Variants in BOD1 observed in about 807,000 individuals in gnomAD.
The protein encoded by BOD1 is biorientation of chromosomes in cell division 1.
In BOD1, 11 loss-of-function variants were observed where a neutral mutation model predicts 15.7. The observed-to-expected ratio is 0.70, with a 90% CI of 0.44 to 1.16. The LOEUF (loss-of-function observed/expected upper bound fraction) is 1.16, where lower values mean the gene tolerates loss of function less well. Among genes scored for constraint, BOD1 ranks in the 50% most tolerant of loss-of-function variants. The pLI is 0.00. For missense variants in BOD1, 182 were observed against 244.5 expected (o/e 0.74, Z 1.70); for synonymous variants, 105 against 103.5 (o/e 1.01, Z -0.09).
chr5:173,608,121 C>T lies in BOD1; in HGVS notation c.*173G>A, dbSNP rs1346505187. On this transcript the variant is annotated 3_prime_UTR_variant, in exon 4 of 4. Coordinates refer to ENST00000311086, the MANE Select transcript of BOD1 (RefSeq NM_138369.3). ...ACAATGCAGGGGGTGACACGGTCAA[C>T]TCTCCCACTGCCGAACTTGCTCCCC... 2 of 559,632 alleles carry T rather than the reference C, an allele frequency of 3.6e-6. No homozygotes were observed. The highest frequency in any genetic ancestry group is 2.6e-5 in the East Asian group (1 of 39,156). 34.7% of individuals were successfully genotyped at this position (559,632 alleles called of 1,614,324 possible).
chr5:173,612,080 A>G (rs1341432302), intron 2 of BOD1, among the ~76,000 whole-genome samples: 1 of 152,266 alleles, frequency 6.6e-6, no homozygotes, highest in Non-Finnish European at 1.5e-5. Flanking sequence ...AGAAAGGGAA[A>G]GGCACTCGGT....
rs1475724807 is a variant in BOD1 at position 173,613,999 on chromosome 5, C to T, written c.238-744G>A. 2.0e-5 allele frequency among the ~76,000 whole-genome samples: 3 copies of T among 152,348 alleles called. No homozygotes were observed. The East Asian group carries it at 5.8e-4, about 29-fold the overall frequency. On this transcript the variant is annotated intron_variant, in intron 1 of 3. Transcript: ENST00000311086. ...CTGGGATTTCCCAGATTGGAGCTGA[C>T]AGCCTCTCTCTAGAGGAAGAAGCTG...
intron 3 of BOD1, among the ~76,000 whole-genome samples, chr5:173,608,835 G>C (rs1334998767): frequency 6.6e-6 from 1 of 152,210 alleles, no homozygotes; most frequent in African/African-American, 2.4e-5. Context: ...AGCAGACTCT[G>C]AATCCCATTT....
At chr5:173,613,592 T>C (rs1755413430) in intron 1 of BOD1, among the ~76,000 whole-genome samples, 1 of 152,228 alleles carries the variant, frequency 6.6e-6, no homozygotes, top group Non-Finnish European at 1.5e-5. Flanking sequence ...CTAGCTCAGC[T>C]GAACTTTGGT....
At position 173,609,281 on chromosome 5, in the gene BOD1, G is replaced by A. The variant is rs769176350; in HGVS notation, c.516C>T (p.Pro172=). ...KAAVPAPPPE[P]EGQDPPAPSQ... ...ATGGAGCTGGAGGGTCCTGGCCTTC[G>A]GGCTCTGGAGGGGGTGCTGGCACAG... is the stretch of plus-strand genomic sequence containing the variant. Residue 172 remains proline (P), a synonymous_variant, in exon 3 of 4, where the codon CCC becomes CCT. Transcript: ENST00000311086. The A allele has an allele frequency of 1.6e-5, 26 of 1,614,038 alleles. No homozygotes were observed. The highest frequency in any genetic ancestry group is 1.1e-4 in the South Asian group (10 of 91,082).
intron 2 of BOD1, among the ~76,000 whole-genome samples, chr5:173,611,217 G>A (rs151237605): frequency 4.7e-4 from 71 of 152,298 alleles, no homozygotes; most frequent in Admixed American, 2.3e-3. Context: ...AACAAATATT[G>A]TACAGTTACA....
chr5:173,616,416 G>C lies in BOD1; in HGVS notation c.21C>G (p.Gly7=). 6.6e-7 allele frequency: 1 copy of C among 1,524,034 alleles called. No homozygotes were observed. The highest frequency in any genetic ancestry group is 8.7e-7 in the Non-Finnish European group (1 of 1,146,328). The allele number at this position is 1,524,034 out of a possible 1,614,324, so 94.4% of individuals were successfully genotyped here. The change falls in exon 1 of 4, where the codon GGC becomes GGG. Residue 7 remains glycine (G), a synonymous_variant. Transcript: ENST00000311086. The part of the protein sequence containing the change: MADGGG[G]GGTGAVGGGG... ...CGCCGCCCACCGCGCCAGTTCCCCC[G>C]CCGCCGCCGCCGTCCGCCATGGCTG...
rs1295688225 is a variant in BOD1, at chr5:173,616,338, G to A, written c.99C>T (p.Ser33=). The A allele has an allele frequency of 2.0e-5, 31 of 1,529,438 alleles. No homozygotes were observed. The highest frequency in any genetic ancestry group is 2.7e-5 in the Non-Finnish European group (31 of 1,143,672). The allele number at this position is 1,529,438 out of a possible 1,614,324, so 94.7% of individuals were successfully genotyped here. Residue 33 remains serine (S), a synonymous_variant, in exon 1 of 4, where the codon AGC becomes AGT. Transcript: ENST00000311086. ...AGAATGATGA[S]GGGGPINPAS... Reference sequence around the variant, plus strand: ...CCGGGTTGATGGGGCCACCGCCCCCGCTGGCCCCAGTAGCGCCAGTCGCTG... The same window carrying A: ...CCGGGTTGATGGGGCCACCGCCCCCACTGGCCCCAGTAGCGCCAGTCGCTG...
In BOD1 at chr5:173,609,256, A is replaced by G. The variant is rs565588980; in HGVS notation, c.541T>C (p.Ser181Pro). 83 of 1,613,988 alleles carry G rather than the reference A, an allele frequency of 5.1e-5. No individual in the cohort carries two copies. The South Asian group carries it at 9.0e-4, about 18-fold the overall frequency. Reference protein sequence around the residue: ...EPEGQDPPAPSQDTS With the variant: ...EPEGQDPPAPPQDTS ...ACTGGACCTTAGGAAGTGTCCTGAGATGGAGCTGGAGGGTCCTGGCCTTCG... is the reference window on the plus strand; with the variant it reads ...ACTGGACCTTAGGAAGTGTCCTGAGGTGGAGCTGGAGGGTCCTGGCCTTCG... The change falls in exon 3 of 4, where the codon TCT (serine) becomes CCT (proline). Residue 181 changes from serine to proline, a missense_variant. Physicochemically the swap from Ser to Pro is moderately conservative, Grantham distance 74 (BLOSUM62 -1). Around this residue, in one of 3 missense-constraint regions of BOD1, gnomAD observed 40 missense variants for 45.3 expected, o/e 0.88. Coordinates refer to ENST00000311086, the MANE Select transcript of BOD1 (RefSeq NM_138369.3).
chr5:173,611,939 C>G (rs369280969), intron 2 of BOD1, among the ~76,000 whole-genome samples: 1 of 152,220 alleles, frequency 6.6e-6, no homozygotes, highest in South Asian at 2.1e-4. Flanking sequence ...AGCTGTGAAA[C>G]AGGCTTTTCA....
chr5:173,616,302 A>G lies in BOD1; in HGVS notation c.135T>C (p.Pro45=). 1 of 1,541,706 alleles carries G rather than the reference A, an allele frequency of 6.5e-7. No individual in the cohort carries two copies. The highest frequency in any genetic ancestry group is 8.7e-7 in the Non-Finnish European group (1 of 1,147,246). The part of the protein sequence containing the change: ...GGGPINPASL[P]PGDPQLIALI... The stretch of plus-strand genomic sequence containing the variant: ...GAGCGATGAGCTGCGGGTCGCCGGG[A>G]GGCAGCGAGGCCGGGTTGATGGGGC... The change falls in exon 1 of 4, where the codon CCT becomes CCC. Residue 45 remains proline, a synonymous_variant. Coordinates refer to ENST00000311086, the MANE Select transcript of BOD1 (RefSeq NM_138369.3).
At chr5:173,609,009 T>C (rs935005934) in intron 3 of BOD1, among the ~76,000 whole-genome samples, 1 of 152,248 alleles carries the variant, frequency 6.6e-6, no homozygotes, top group African/African-American at 2.4e-5. Context: ...ATGAAGCATC[T>C]ATCCATAGCT....
At chr5:173,609,018 C>T (rs893706806) in intron 3 of BOD1, among the ~76,000 whole-genome samples, 2 of 152,218 alleles carry the variant, frequency 1.3e-5, no homozygotes, top group Admixed American at 1.3e-4. Flanking sequence ...CTATCCATAG[C>T]TTACATGTTT....
intron 3 of BOD1, 50 bp from the exon 4 acceptor site, chr5:173,608,342 T>G (rs772259546): frequency 2.9e-6 from 4 of 1,389,756 alleles, no homozygotes; most frequent in East Asian, 4.6e-5. Flanking sequence ...GATAACAGAC[T>G]ATATTCACTT....
At chr5:173,613,352 A>G in intron 1 of BOD1, 97 bp from the exon 2 acceptor site, 1 of 1,400,650 alleles carries the variant, frequency 7.1e-7, no homozygotes, top group South Asian at 1.2e-5. Flanking sequence ...AAACGTTATT[A>G]AGTCTAAATA....
At position 173,616,506 on chromosome 5, in the gene BOD1, T is replaced by A. The variant is rs958268119; in HGVS notation, c.-70A>T. 13 of 1,513,358 alleles carry A rather than the reference T, an allele frequency of 8.6e-6. No homozygotes were observed. The highest frequency in any genetic ancestry group is 1.1e-5 in the Non-Finnish European group (13 of 1,141,176). 93.7% of individuals were successfully genotyped at this position (1,513,358 alleles called of 1,614,324 possible). ...TCCAGGACAGAAGGCCTAGAACGTG[T>A]AGAGGTGGTGAAGGGGGCGGTGAAG... On this transcript the variant is annotated 5_prime_UTR_variant, in exon 1 of 4. Coordinates refer to ENST00000311086, the MANE Select transcript of BOD1 (RefSeq NM_138369.3).
At chr5:173,610,895 C>A (rs1456857812) in intron 2 of BOD1, among the ~76,000 whole-genome samples, 1 of 152,190 alleles carries the variant, frequency 6.6e-6, no homozygotes, top group Non-Finnish European at 1.5e-5. Flanking sequence ...AGGAAGTTAG[C>A]GAGCTCTCTT....
rs973394743 is a variant in BOD1 at position 173,608,265 on chromosome 5, T to A, written c.*29A>T. The A allele has an allele frequency of 2.9e-5, 46 of 1,612,320 alleles. No homozygotes were observed. The highest frequency in any genetic ancestry group is 3.8e-5 in the Non-Finnish European group (45 of 1,178,350). On this transcript the variant is annotated 3_prime_UTR_variant, in exon 4 of 4. Transcript: ENST00000311086. The stretch of plus-strand genomic sequence containing the variant: ...ACCGAATCCATTTCTTCACCAAAAA[T>A]TAGCTTTCAAAAGGTGTCTGGCGTA...
chr5:173,609,510 C>A, intron 2 of BOD1, 76 bp from the exon 3 acceptor site: 3 of 1,404,534 alleles, frequency 2.1e-6, no homozygotes, highest in Non-Finnish European at 2.9e-6. Context: ...GTGTCACGTG[C>A]GAGCCCAATA....
Sources: allele counts gnomAD v4.1 joint callset (sites outside exome capture counted in the v4.1 genomes callset), GRCh38; gene constraint gnomAD v4.1.1; regional missense constraint gnomAD v4.1.1; transcripts MANE v1.5; gene names NCBI Gene and HGNC (gene_info 2026-07-23, HGNC 2026-07-21).